The following RIMKLB variants were observed in gnomAD, a reference collection of about 807,000 sequenced individuals.
RIMKLB encodes the protein beta-citrylglutamate synthase B.
In RIMKLB, 7 loss-of-function variants were observed where a neutral mutation model predicts 32.0. That is an observed-to-expected ratio of 0.22 (90% CI 0.12 to 0.41). The LOEUF is 0.41. Among genes scored for constraint, RIMKLB ranks in the 10% least tolerant of loss-of-function variants. The probability of loss-of-function intolerance (pLI) is 1.00; values close to 1 mark genes in which losing one functional copy is unlikely to be tolerated. For synonymous variants in RIMKLB, 172 were observed against 185.1 expected, an observed-to-expected ratio of 0.93 and a Z score of 0.57; for missense variants, 289 against 498.7, an observed-to-expected ratio of 0.58 and a Z score of 4.00.
At chr12:8,757,922 A>G (rs774518164) in intron 5 of RIMKLB, among the ~76,000 whole-genome samples, 15 of 151,590 alleles carry the variant, frequency 9.9e-5, no homozygotes, top group Non-Finnish European at 1.8e-4. Flanking sequence ...GTCGGTAGAC[A>G]TTAAACCTGC....
chr12:8,776,843 A>G lies in RIMKLB; in HGVS notation c.*3059A>G. 1 of 985,852 alleles carries G rather than the reference A, an allele frequency of 1.0e-6. No individual in the cohort carries two copies. 61.1% of individuals were successfully genotyped at this position (985,852 alleles called of 1,614,324 possible). A position where few individuals can be genotyped will look rare whatever the true frequency, so the allele number is the denominator to read the frequency against. ...AAGCACATTATCAGACTTTGAGAAC[A>G]TATTGAAGGCATTGACTTTGAAAAT... On this transcript the variant is annotated 3_prime_UTR_variant, in exon 6 of 6. Transcript: ENST00000535829.
rs1950711095 is a variant in RIMKLB at position 8,776,130 on chromosome 12, G to A, written c.*2346G>A. ...AAGTATGTAGTTCATGTTTGTGTTGGTGGGGTAAGGCATCAGGAAAAATGT... is the reference window on the plus strand; with the variant it reads ...AAGTATGTAGTTCATGTTTGTGTTGATGGGGTAAGGCATCAGGAAAAATGT... On this transcript the variant is annotated 3_prime_UTR_variant, in exon 6 of 6. Coordinates refer to ENST00000535829, the MANE Select transcript of RIMKLB (RefSeq NM_001297776.2). The A allele has an allele frequency of 1.0e-6, 1 of 985,142 alleles. No homozygotes were observed. The highest frequency in any genetic ancestry group is 1.7e-5 in the African/African-American group (1 of 57,328). 61.0% of individuals were successfully genotyped at this position (985,142 alleles called of 1,614,324 possible).
intron 5 of RIMKLB, among the ~76,000 whole-genome samples, chr12:8,770,707 A>T (rs750887437): frequency 6.6e-6 from 1 of 152,258 alleles, no homozygotes; most frequent in South Asian, 2.1e-4. Flanking sequence ...CACTTATTTG[A>T]CCACGTGTGG....
chr12:8,753,261 C>T (rs982379985), intron 4 of RIMKLB, among the ~76,000 whole-genome samples: 4 of 152,184 alleles, frequency 2.6e-5, no homozygotes, highest in African/African-American at 9.6e-5. Context: ...GGTCTACCCT[C>T]ATAAGTCATA....
At chr12:8,720,788 C>G (rs1460202833) in intron 2 of RIMKLB, among the ~76,000 whole-genome samples, 9 of 152,192 alleles carry the variant, frequency 5.9e-5, no homozygotes, top group Admixed American at 5.9e-4. Flanking sequence ...GATCCGCCCC[C>G]CTCGGCTTCC....
intron 1 of RIMKLB, among the ~76,000 whole-genome samples, chr12:8,692,117 T>C (rs1044790273): frequency 1.3e-5 from 2 of 152,146 alleles, no homozygotes; most frequent in African/African-American, 4.8e-5. Flanking sequence ...TCTTCCCAGG[T>C]TGTTATACTT....
chr12:8,686,767 C>T lies in RIMKLB; in HGVS notation n.219+4949C>T, dbSNP rs751564861. On this transcript the variant is annotated intron_variant and non_coding_transcript_variant, in intron 1 of 1. Transcript: ENST00000538758. ...AAATTGCTGGGATTACAGGTGTGAG[C>T]CACCACACCCGGCCTCCACTGACTT... 1.8e-4 allele frequency among the ~76,000 whole-genome samples: 28 copies of T among 152,278 alleles called. No homozygotes were observed. The East Asian group carries it at 5.2e-3, about 28-fold the overall frequency.
Position 8,770,882 on chromosome 12 carries a change from G to A in RIMKLB, c.698-2439G>A, listed in dbSNP as rs777977096. Among the ~76,000 whole-genome samples the A allele has an allele frequency of 5.3e-5, 8 of 152,242 alleles. No individual in the cohort carries two copies. In the East Asian group the frequency reaches 7.7e-4, roughly 15 times the overall value. On this transcript the variant is annotated intron_variant, in intron 5 of 5. Transcript: ENST00000535829. ...CAACTGGCTTCAAGTTGGGGTTCCC[G>A]TGACTTTCTGCTTAGGTTTGATTAA...
At chr12:8,726,612 T>C (rs1332267714) in intron 2 of RIMKLB, among the ~76,000 whole-genome samples, 1 of 152,084 alleles carries the variant, frequency 6.6e-6, no homozygotes, top group African/African-American at 2.4e-5. Flanking sequence ...TTTTAAACTT[T>C]TAATTCTTTT....
At chr12:8,780,712 T>A (rs1356271317), downstream of RIMKLB, 1 of 152,170 alleles carries the variant, frequency 6.6e-6, no homozygotes, top group Non-Finnish European at 1.5e-5. Flanking sequence ...GAAACAGGAC[T>A]AAGATTCCTG....
intron 2 of RIMKLB, among the ~76,000 whole-genome samples, chr12:8,739,447 T>G (rs1947298253): frequency 6.6e-6 from 1 of 152,196 alleles, no homozygotes; most frequent in South Asian, 2.1e-4. Context: ...CCTCCCAAAG[T>G]GCTGGGATTA....
chr12:8,753,111 G>A (rs866478960), intron 4 of RIMKLB, among the ~76,000 whole-genome samples: 1 of 152,046 alleles, frequency 6.6e-6, no homozygotes, highest in African/African-American at 2.4e-5. Flanking sequence ...TTTGTGTTTC[G>A]GCAGGGATGG....
At chr12:8,669,746 G>T in the RIMKLB span, among the ~76,000 whole-genome samples, 1 of 152,136 alleles carries the variant, frequency 6.6e-6, no homozygotes, top group Middle Eastern at 3.4e-3. Flanking sequence ...AGAAGGAATC[G>T]GCTGGGTGCG....
chr12:8,781,676 A>T (rs1253243833), downstream of RIMKLB, among the ~76,000 whole-genome samples: 1 of 151,952 alleles, frequency 6.6e-6, no homozygotes, highest in Non-Finnish European at 1.5e-5. Context: ...CGATGTTGCC[A>T]TTTTCCATCT....
upstream of RIMKLB, among the ~76,000 whole-genome samples, chr12:8,692,771 G>A (rs1375043151): frequency 5.3e-5 from 8 of 152,200 alleles, no homozygotes; most frequent in Non-Finnish European, 1.2e-4. Flanking sequence ...TCAGTGTTTA[G>A]CTATTCTACT....
upstream of RIMKLB, among the ~76,000 whole-genome samples, chr12:8,680,991 T>C (rs754120901): frequency 1.9e-4 from 29 of 150,396 alleles, no homozygotes; most frequent in Non-Finnish European, 4.0e-4. Context: ...GTCTGGTCTT[T>C]TTTTTTTTTT....
chr12:8,701,103 T>A (rs1281356610), intron 1 of RIMKLB, among the ~76,000 whole-genome samples: 1 of 152,056 alleles, frequency 6.6e-6, no homozygotes. Flanking sequence ...GTTATTAGAA[T>A]CTGAGGGAGG....
At chr12:8,711,916 G>A (rs746305461) in intron 1 of RIMKLB, among the ~76,000 whole-genome samples, 4 of 152,148 alleles carry the variant, frequency 2.6e-5, no homozygotes, top group Non-Finnish European at 4.4e-5. Flanking sequence ...GGAAGAGACC[G>A]AAATGCAACC....
chr12:8,773,567 G>A lies in RIMKLB; in HGVS notation c.944G>A (p.Arg315His), dbSNP rs767992050. ...CTACCCTCTGGCCGGCTCACCCGGC[G>A]TATGTCCCTGCTCTCCGTGGTGTCC... The part of the protein sequence containing the change: ...SLLPSGRLTR[R>H]MSLLSVVSTA... Residue 315 changes from arginine to histidine, a missense_variant, in exon 6 of 6, where the codon CGT becomes CAT. Around this residue, in one of 3 missense-constraint regions of RIMKLB, gnomAD observed 99 missense variants for 133.9 expected, o/e 0.74. Coordinates refer to ENST00000535829, the MANE Select transcript of RIMKLB (RefSeq NM_001297776.2). 1.3e-5 allele frequency: 21 copies of A among 1,614,240 alleles called. No homozygotes were observed. Among genetic ancestry groups the A allele is most frequent in the East Asian group, 4.5e-5 (2 of 44,886 alleles).
Sources: gnomAD v4.1 joint callset for allele counts (sites outside exome capture counted in the v4.1 genomes callset) on GRCh38, gnomAD v4.1.1 for gene constraint, gnomAD v4.1.1 regional missense constraint, MANE v1.5 for transcripts, NCBI Gene and HGNC (gene_info 2026-07-23, HGNC 2026-07-21) for gene names.